Variants in XXYLT1 observed in about 807,000 individuals in gnomAD.
XXYLT1 encodes the protein xyloside xylosyltransferase 1.
In XXYLT1, 20 loss-of-function variants were observed where a neutral mutation model predicts 28.9. That is an observed-to-expected ratio of 0.69 (90% confidence interval 0.49 to 1.00). XXYLT1 has a LOEUF of 1.00. Ranked by LOEUF, XXYLT1 falls within the 50% of genes least tolerant of loss-of-function variation. XXYLT1 has a pLI of 0.00. For missense variants in XXYLT1, 542 were observed against 560.1 expected, an observed-to-expected ratio of 0.97 and a Z score of 0.33; for synonymous variants, 257 against 253.8, an observed-to-expected ratio of 1.01 and a Z score of -0.12.
chr3:195,109,394 A>ATGTGTGCGTG (rs1188193972), intron 3 of XXYLT1, among the ~76,000 whole-genome samples: 1 of 151,056 alleles, frequency 6.6e-6, no homozygotes, highest in African/African-American at 2.4e-5. Context: ...ATAAGTGTGC[A>ATGTGTGCGTG]TGTATGTGTG....
Position 195,195,613 on chromosome 3 carries a change from TG to T in XXYLT1, c.652+31095del, listed in dbSNP as rs1722593255. Among the ~76,000 whole-genome samples the T allele has an allele frequency of 6.6e-6, 1 of 152,242 alleles. No individual in the cohort carries two copies. Among genetic ancestry groups the T allele is most frequent in the Admixed American group, 6.5e-5 (1 of 15,288 alleles). The stretch of plus-strand genomic sequence containing the variant: ...GTTTGTTGTAAATGAAAGAGATTCA[TG>T]AATGAAAAGCTTTTGTGCCCTGGTC... On this transcript the variant is annotated intron_variant, in intron 2 of 3. Coordinates refer to ENST00000310380, the MANE Select transcript of XXYLT1 (RefSeq NM_152531.5). This position sits in a 1 kb window ranked among gnomAD's most constrained non-coding sequence, Gnocchi z 4.4.
chr3:195,117,276 G>GA (rs1285523183), intron 3 of XXYLT1, among the ~76,000 whole-genome samples: 6 of 152,096 alleles, frequency 3.9e-5, no homozygotes, highest in African/African-American at 1.2e-4. Context: ...ATTTATAAGT[G>GA]AAAAAACTAG....
chr3:195,068,951 G>GTTCT lies in XXYLT1; in HGVS notation c.*760_*763dup, dbSNP rs942706269. The GTTCT allele has an allele frequency of 1.3e-5, 2 of 152,180 alleles. No homozygotes were observed. Among genetic ancestry groups the GTTCT allele is most frequent in the African/African-American group, 4.8e-5 (2 of 41,424 alleles). The allele number at this position is 152,180 out of a possible 1,614,324, so 9.4% of individuals were successfully genotyped here. A position where few individuals can be genotyped will look rare whatever the true frequency, so the allele number is the denominator to read the frequency against. On this transcript the variant is annotated 3_prime_UTR_variant, in exon 4 of 4. Transcript: ENST00000310380. ...CATGTCCTTGTGGTGGCCAGTCTCTGTTCTTTGATGACGAATTTGCTTTCT... is the reference window on the plus strand; with the variant it reads ...CATGTCCTTGTGGTGGCCAGTCTCTGTTCTTTCTTTGATGACGAATTTGCTTTCT...
rs78360207 is a variant in XXYLT1, at chr3:195,121,808, G to C, written c.785+34641C>G. On this transcript the variant is annotated intron_variant, in intron 3 of 3. Transcript: ENST00000310380. ...TACCATCAACTGGCCCTGTGACCTG[G>C]GCAAGTGGCTACCCCTCTCTAGGCC... 6.9e-3 allele frequency among the ~76,000 whole-genome samples: 1,047 copies of C among 152,268 alleles called. 12 individuals carry two copies. The highest frequency in any genetic ancestry group is 0.023 in the African/African-American group (971 of 41,550).
intron 2 of XXYLT1, among the ~76,000 whole-genome samples, chr3:195,194,562 G>A (rs140044991): frequency 4.2e-4 from 64 of 152,152 alleles, no homozygotes; most frequent in African/African-American, 1.4e-3. Flanking sequence ...CTACTCCTAG[G>A]AATTTACCCA....
At chr3:195,171,713 C>T (rs2108716985) in intron 2 of XXYLT1, among the ~76,000 whole-genome samples, 1 of 152,346 alleles carries the variant, frequency 6.6e-6, no homozygotes, top group East Asian at 1.9e-4. Flanking sequence ...AAACAGGTCG[C>T]TTCCCCACAG....
chr3:195,231,120 T>A (rs898543264), intron 1 of XXYLT1, among the ~76,000 whole-genome samples: 4 of 152,168 alleles, frequency 2.6e-5, no homozygotes, highest in Non-Finnish European at 5.9e-5. Context: ...CTAGGTATTT[T>A]ATTTGTAGCA....
At position 195,221,963 on chromosome 3, in the gene XXYLT1, C is replaced by G. The variant is rs78629261; in HGVS notation, c.652+4746G>C. 6.0e-3 allele frequency among the ~76,000 whole-genome samples: 912 copies of G among 152,294 alleles called. 9 individuals are homozygous for G. The highest frequency in any genetic ancestry group is 0.048 in the Middle Eastern group (14 of 294). ...AAGCTCTGACCAAAGTCAGAGCCAG[C>G]ATGTCCCGCCTGGCAGGACCCCTTC... is the stretch of plus-strand genomic sequence containing the variant. On this transcript the variant is annotated intron_variant, in intron 2 of 3. Transcript: ENST00000310380.
At chr3:195,096,027 A>G (rs1368823119) in intron 3 of XXYLT1, 1 of 152,152 alleles carries the variant, frequency 6.6e-6, no homozygotes, top group African/African-American at 2.4e-5. Context: ...TGTCCACGCT[A>G]TGGTCTAAGC....
chr3:195,106,088 C>A (rs561869728), intron 3 of XXYLT1, among the ~76,000 whole-genome samples: 53 of 152,236 alleles, frequency 3.5e-4, no homozygotes, highest in African/African-American at 1.2e-3. Flanking sequence ...GTCTCTTTAT[C>A]CAAAAGTGCC....
At chr3:195,116,028 G>A (rs1027537537) in intron 3 of XXYLT1, among the ~76,000 whole-genome samples, 4 of 152,118 alleles carry the variant, frequency 2.6e-5, no homozygotes, top group Non-Finnish European at 2.9e-5. Context: ...GGTTGTTTAC[G>A]TGGACTTGAT....
At chr3:195,131,523 A>C (rs1037241036) in intron 3 of XXYLT1, among the ~76,000 whole-genome samples, 1 of 152,246 alleles carries the variant, frequency 6.6e-6, no homozygotes, top group African/African-American at 2.4e-5. Flanking sequence ...CTGTTACAGC[A>C]AGAAAGTGCA....
rs182183325 is a variant in XXYLT1, at chr3:195,078,964, T to C, written c.786-8853A>G. Among the ~76,000 whole-genome samples the C allele has an allele frequency of 2.0e-5, 3 of 152,330 alleles. No individual in the cohort carries two copies. The highest frequency in any genetic ancestry group is 1.9e-4 in the East Asian group (1 of 5,192). On this transcript the variant is annotated intron_variant, in intron 3 of 3. Transcript: ENST00000310380. The surrounding 1 kb of genome is among the most constrained non-coding windows in gnomAD (Gnocchi z 5.0). ...ATGAACTTTGCGACCAGACGCACTC[T>C]GCTCCAGTGATGGGAACTGAGATCC...
intron 3 of XXYLT1, among the ~76,000 whole-genome samples, chr3:195,110,423 GTA>G (rs1205328819): frequency 3.5e-5 from 5 of 143,290 alleles, no homozygotes; most frequent in African/African-American, 1.3e-4. Context: ...CGTCTGTGGT[GTA>G]TGTGTGCGTG....
chr3:195,155,704 C>T (rs1266538117), intron 3 of XXYLT1, among the ~76,000 whole-genome samples: 1 of 147,344 alleles, frequency 6.8e-6, no homozygotes, highest in South Asian at 2.3e-4. Flanking sequence ...CACCCCCCTT[C>T]TCCTTTCCCA....
chr3:195,270,229 A>T, intron 1 of XXYLT1: 1 of 582,854 alleles, frequency 1.7e-6, no homozygotes, highest in Non-Finnish European at 3.2e-6. Context: ...ACAGAGGTGC[A>T]GACTCTGAAG....
chr3:195,075,718 T>G (rs1715074615), intron 3 of XXYLT1, among the ~76,000 whole-genome samples: 1 of 152,154 alleles, frequency 6.6e-6, no homozygotes, highest in Non-Finnish European at 1.5e-5. Context: ...ACTAAGCAGG[T>G]GGCAGGCATG....
intron 1 of XXYLT1, chr3:195,247,850 C>T (rs1560173763): frequency 1.4e-6 from 1 of 698,884 alleles, no homozygotes; most frequent in African/African-American, 1.8e-5. Context: ...TGCAGCAGGA[C>T]AGAGAGAGAG....
chr3:195,139,456 A>C (rs1264063101), intron 3 of XXYLT1, among the ~76,000 whole-genome samples: 1 of 152,210 alleles, frequency 6.6e-6, no homozygotes, highest in Non-Finnish European at 1.5e-5. Flanking sequence ...GTCCACAGTC[A>C]CATTTGGCAA....
Sources: allele counts gnomAD v4.1 joint callset (sites outside exome capture counted in the v4.1 genomes callset), GRCh38; gene constraint gnomAD v4.1.1; non-coding constraint Gnocchi (gnomAD v3.1); transcripts MANE v1.5; gene names NCBI Gene and HGNC (gene_info 2026-07-23, HGNC 2026-07-21).